SBNO1: variants seen among roughly 807,000 people sequenced by gnomAD.
The protein encoded by SBNO1 is strawberry notch homolog 1.
SBNO1 carries 23 observed loss-of-function variants against 173.6 expected under a neutral mutation model. The observed-to-expected ratio is 0.13, with a 90% CI of 0.10 to 0.19. The LOEUF (loss-of-function observed/expected upper bound fraction) is 0.19. Ranked by LOEUF, SBNO1 falls within the 10% of genes least tolerant of loss-of-function variation. The pLI is 1.00. For missense variants in SBNO1, 1,238 were observed against 1,671.2 expected, an observed-to-expected ratio of 0.74 and a Z score of 4.52; for synonymous variants, 632 against 571.5, an observed-to-expected ratio of 1.11 and a Z score of -1.51.
At chr12:123,353,291 G>A (rs1479248823) in intron 1 of SBNO1, among the ~76,000 whole-genome samples, 1 of 152,138 alleles carries the variant, frequency 6.6e-6, no homozygotes, top group Non-Finnish European at 1.5e-5. Context: ...CTGAAACTGA[G>A]GGTCAGAAAA....
rs761111503 is a variant in SBNO1, at chr12:123,309,793, G to A, written c.3359C>T (p.Ala1120Val). ...ILGMEVHQQN[A>V]LFQYFADTLT... ...TGTGTCCGCAAAATACTGAAATAAC[G>A]CATTCTGCTGATGCACCTCCATGCC... Residue 1120 changes from alanine to valine, a missense_variant, in exon 26 of 32, where the codon GCG becomes GTG. Ala to Val is a moderately conservative substitution (Grantham distance 64, BLOSUM62 0). Transcript: ENST00000602398. 6.8e-6 allele frequency: 11 copies of A among 1,611,676 alleles called. No homozygotes were observed. The African/African-American group carries it at 9.4e-5, about 14-fold the overall frequency.
Position 123,320,817 on chromosome 12 carries a change from CTT to C in SBNO1, c.2371_2372del (p.Lys791GlufsTer24). The C allele has an allele frequency of 6.3e-7, 1 of 1,597,092 alleles. No individual in the cohort carries two copies. The highest frequency in any genetic ancestry group is 8.5e-7 in the Non-Finnish European group (1 of 1,173,410). ...TAGAATCTGGATCTATACTTTTCTT[CTT>C]TTTTTTCTCTTTGTTTTTCTTGTGG... is the stretch of plus-strand genomic sequence containing the variant. ...KDHKKNKEKK[K>X]KKSIDPDSIQ... On this transcript the variant is annotated frameshift_variant, in exon 18 of 32. Transcript: ENST00000602398. LOFTEE classifies it high-confidence loss of function.
intron 9 of SBNO1, among the ~76,000 whole-genome samples, chr12:123,329,510 T>C (rs1870960368): frequency 6.6e-6 from 1 of 152,024 alleles, no homozygotes; most frequent in Non-Finnish European, 1.5e-5. Context: ...GTGCACTTAC[T>C]ATATGCAAAA....
chr12:123,299,344 G>T (rs2048705587), intron 30 of SBNO1, among the ~76,000 whole-genome samples: 1 of 150,360 alleles, frequency 6.7e-6, no homozygotes, highest in Non-Finnish European at 1.5e-5. Flanking sequence ...CTCCAGCCTG[G>T]GCAACAGAGT....
At chr12:123,351,792 G>C (rs116998155) in intron 1 of SBNO1, among the ~76,000 whole-genome samples, 1 of 152,160 alleles carries the variant, frequency 6.6e-6, no homozygotes, top group African/African-American at 2.4e-5. Context: ...TGGAATCCAA[G>C]ATACTTAGGG....
At chr12:123,317,474 T>C in intron 20 of SBNO1, 118 bp from the exon 21 acceptor site, 1 of 885,340 alleles carries the variant, frequency 1.1e-6, no homozygotes, top group Non-Finnish European at 1.7e-6. Flanking sequence ...TAATGAAGAC[T>C]TCCAGTTTTA....
intron 1 of SBNO1, among the ~76,000 whole-genome samples, chr12:123,350,916 G>A (rs1187475748): frequency 1.3e-5 from 2 of 152,172 alleles, no homozygotes; most frequent in Admixed American, 1.3e-4. Context: ...AAGTTCAGAA[G>A]TTTGAGACCA....
intron 15 of SBNO1, 119 bp downstream of exon 15, chr12:123,325,383 A>G: frequency 3.0e-6 from 2 of 677,228 alleles, no homozygotes; most frequent in South Asian, 3.6e-5. Flanking sequence ...TCAGATCAAG[A>G]AAACTTAAAG....
Position 123,292,892 on chromosome 12 carries a change from G to T in SBNO1, c.*3016C>A, listed in dbSNP as rs1222680032. ...AATGCATTAATACTCCTATGAATTT[G>T]TATCATTGATAGTGTATCTGGATAA... On this transcript the variant is annotated 3_prime_UTR_variant, in exon 32 of 32. Coordinates refer to ENST00000602398, the MANE Select transcript of SBNO1 (RefSeq NM_001167856.3). 1 of 152,190 alleles carries T rather than the reference G, an allele frequency of 6.6e-6. No homozygotes were observed. The highest frequency in any genetic ancestry group is 2.1e-4 in the South Asian group (1 of 4,832). 9.4% of individuals were successfully genotyped at this position (152,190 alleles called of 1,614,324 possible).
chr12:123,303,374 G>A (rs548800941), intron 29 of SBNO1, among the ~76,000 whole-genome samples: 23 of 152,230 alleles, frequency 1.5e-4, no homozygotes, highest in African/African-American at 4.8e-4. Context: ...GGCTGGGCAC[G>A]GTGGCTCATG....
chr12:123,331,396 A>G, intron 7 of SBNO1, 21 bp from the exon 8 acceptor site: 1 of 1,610,498 alleles, frequency 6.2e-7, no homozygotes, highest in South Asian at 1.1e-5. Flanking sequence ...AAAGGCTGGT[A>G]ATTAATATAA....
intron 16 of SBNO1, among the ~76,000 whole-genome samples, chr12:123,322,874 C>A (rs1870156739): frequency 6.7e-6 from 1 of 149,360 alleles, no homozygotes; most frequent in African/African-American, 2.5e-5. Context: ...AGACGGAGAC[C>A]CTGTCTCAAA....
rs145441237 is a variant in SBNO1, at chr12:123,321,916, G to A, written c.2126-184C>T. Among the ~76,000 whole-genome samples, 129 of 152,212 alleles carry A rather than the reference G, an allele frequency of 8.5e-4. No homozygotes were observed. In the East Asian group the frequency reaches 0.019, roughly 23 times the overall value. ...CTTTTGGACTCCCATAAAAAATAAG[G>A]TTATAAACATTTATTCTGAAGAAGA... is the stretch of plus-strand genomic sequence containing the variant. On this transcript the variant is annotated intron_variant, in intron 16 of 31. Coordinates refer to ENST00000602398, the MANE Select transcript of SBNO1 (RefSeq NM_001167856.3).
At chr12:123,364,461 A>T (rs1173204752) in intron 1 of SBNO1, 6 of 985,342 alleles carry the variant, frequency 6.1e-6, no homozygotes, top group Non-Finnish European at 7.2e-6. Context: ...GAGCGGCGAC[A>T]GCGGGGCCCG....
Position 123,310,461 on chromosome 12 carries a change from T to C in SBNO1, c.3295+594A>G, listed in dbSNP as rs116155677. On this transcript the variant is annotated intron_variant, in intron 25 of 31. Coordinates refer to ENST00000602398, the MANE Select transcript of SBNO1 (RefSeq NM_001167856.3). ...CTTGGCCATGATGGTCTTGGACTCCTGACCTTGTGATACGCCTGCCTCAGC... is the reference window on the plus strand; with the variant it reads ...CTTGGCCATGATGGTCTTGGACTCCCGACCTTGTGATACGCCTGCCTCAGC... Among the ~76,000 whole-genome samples the C allele has an allele frequency of 3.7e-3, 558 of 152,250 alleles. 3 individuals carry two copies. Among genetic ancestry groups the C allele is most frequent in the African/African-American group, 0.013 (535 of 41,544 alleles).
rs572045068 is a variant in SBNO1 at position 123,322,540 on chromosome 12, C to T, written c.2126-808G>A. 5.3e-5 allele frequency among the ~76,000 whole-genome samples: 8 copies of T among 151,838 alleles called. No homozygotes were observed. The South Asian group carries it at 8.4e-4, about 16-fold the overall frequency. On this transcript the variant is annotated intron_variant, in intron 16 of 31. Transcript: ENST00000602398. Reference sequence around the variant, plus strand: ...CTCGAACTCCTGACCTCAGGTGATCCGCCTGTTTCAACTCCCAAAAAGCTG... The same window carrying T: ...CTCGAACTCCTGACCTCAGGTGATCTGCCTGTTTCAACTCCCAAAAAGCTG...
intron 11 of SBNO1, 30 bp from the exon 12 acceptor site, chr12:123,327,842 A>G (rs1434302583): frequency 6.2e-7 from 1 of 1,601,978 alleles, no homozygotes. Context: ...AATATATTAT[A>G]GTTGAAAAAA....
chr12:123,356,941 T>C (rs1359617298), intron 1 of SBNO1, among the ~76,000 whole-genome samples: 1 of 152,216 alleles, frequency 6.6e-6, no homozygotes, highest in Non-Finnish European at 1.5e-5. Flanking sequence ...GCTAAGCATG[T>C]CTGATTCGAG....
At chr12:123,305,392 G>C (rs2048888132) in intron 28 of SBNO1, among the ~76,000 whole-genome samples, 1 of 152,244 alleles carries the variant, frequency 6.6e-6, no homozygotes, top group South Asian at 2.1e-4. Context: ...CAAAAATGTT[G>C]AACAAATTGT....
Sources: gnomAD v4.1 joint callset for allele counts (sites outside exome capture counted in the v4.1 genomes callset) on GRCh38, gnomAD v4.1.1 for gene constraint, MANE v1.5 for transcripts, NCBI Gene and HGNC (gene_info 2026-07-23, HGNC 2026-07-21) for gene names.